Variants in AIRE observed in about 807,000 individuals in gnomAD.
AIRE encodes autoimmune regulator.
A neutral mutation model predicts 62.1 loss-of-function variants in AIRE; 52 were observed. The ratio of observed to expected loss-of-function variants is 0.84; its 90% CI spans 0.67 to 1.06. The LOEUF (loss-of-function observed/expected upper bound fraction) is 1.06. Ranked by LOEUF, AIRE falls within the 50% of genes least tolerant of loss-of-function variation. The pLI is 0.00. For synonymous variants in AIRE, 342 were observed against 321.6 expected (o/e 1.06, Z -0.68); for missense variants, 774 against 755.8 (o/e 1.02, Z -0.28).
chr21:44,286,021 G>A lies in AIRE; in HGVS notation c.15G>A (p.Ala5=). The A allele has an allele frequency of 1.3e-6, 2 of 1,532,804 alleles. No individual in the cohort carries two copies. Among genetic ancestry groups the A allele is most frequent in the Non-Finnish European group, 1.7e-6 (2 of 1,144,398 alleles). 95.0% of individuals were successfully genotyped at this position (1,532,804 alleles called of 1,614,324 possible). Residue 5 remains alanine (A), a synonymous_variant, in exon 1 of 14, where the codon GCG becomes GCA. Coordinates refer to ENST00000291582, the MANE Select transcript of AIRE (RefSeq NM_000383.4). This position sits in a 1 kb window ranked among gnomAD's most constrained non-coding sequence, Gnocchi z 6.0. ...GCGCCCACCCCATGGCGACGGACGC[G>A]GCGCTACGCCGGCTTCTGAGGCTGC... MATD[A]ALRRLLRLHR...
At chr21:44,295,992 G>A (rs975396147) in intron 12 of AIRE, among the ~76,000 whole-genome samples, 6 of 152,304 alleles carry the variant, frequency 3.9e-5, no homozygotes, top group East Asian at 3.9e-4. Flanking sequence ...CACTCTGGTC[G>A]CTCACCTATA....
At chr21:44,295,629 G>A (rs926719356) in intron 12 of AIRE, among the ~76,000 whole-genome samples, 1 of 152,160 alleles carries the variant, frequency 6.6e-6, no homozygotes, top group African/African-American at 2.4e-5. Context: ...TCTTGTCATC[G>A]TGATGTGAAA....
At chr21:44,292,045 G>A (rs2040546514) in intron 8 of AIRE, among the ~76,000 whole-genome samples, 1 of 152,216 alleles carries the variant, frequency 6.6e-6, no homozygotes. Context: ...AGGGCTCGCA[G>A]GTGTTGGGGA....
At position 44,297,246 on chromosome 21, in the gene AIRE, G is replaced by A. The variant is rs1161956417; in HGVS notation, c.1567-410G>A. 6.6e-6 allele frequency among the ~76,000 whole-genome samples: 1 copy of A among 152,228 alleles called. No homozygotes were observed. The highest frequency in any genetic ancestry group is 1.5e-5 in the Non-Finnish European group (1 of 68,030). ...GCGGTCTTATTCTGCTGGCATCGTG[G>A]GGCCCGTGGCCCCATCCTGTGGGAG... On this transcript the variant is annotated intron_variant, in intron 13 of 13. Transcript: ENST00000291582. This position sits in a 1 kb window ranked among gnomAD's most constrained non-coding sequence, Gnocchi z 4.8.
At position 44,287,076 on chromosome 21, in the gene AIRE, G is replaced by C; in HGVS notation, c.406G>C (p.Glu136Gln). 6.2e-7 allele frequency: 1 copy of C among 1,612,452 alleles called. No individual in the cohort carries two copies. The highest frequency in any genetic ancestry group is 8.5e-7 in the Non-Finnish European group (1 of 1,179,856). ...ACTCCCCACCAAGAGGAAGGCCTCA[G>C]AAGAGGCTCGAGCTGCCGCGCCAGC... ...PRLPTKRKAS[E>Q]EARAAAPAAL... Residue 136 changes from glutamate (E) to glutamine (Q), a missense_variant, in exon 3 of 14, where the codon GAA (glutamate) becomes CAA (glutamine). Glu to Gln is a conservative substitution (Grantham distance 29). Around this residue, in one of 3 missense-constraint regions of AIRE, gnomAD observed 385 missense variants for 396.0 expected, o/e 0.97. Transcript: ENST00000291582. The surrounding 1 kb of genome is among the most constrained non-coding windows in gnomAD (Gnocchi z 4.3).
chr21:44,290,494 G>T (rs549719238), intron 7 of AIRE: 1 of 957,046 alleles, frequency 1.0e-6, no homozygotes, highest in Admixed American at 6.2e-5. Flanking sequence ...TGACCACTTG[G>T]CACCAGGGGC....
Position 44,291,177 on chromosome 21 carries a change from C to A in AIRE, c.962C>A (p.Ala321Asp). 6.2e-7 allele frequency: 1 copy of A among 1,606,754 alleles called. No homozygotes were observed. Among genetic ancestry groups the A allele is most frequent in the East Asian group, 2.2e-5 (1 of 44,886 alleles). Residue 321 changes from alanine (A) to aspartate (D), a missense_variant, in exon 8 of 14, where the codon GCC (alanine) becomes GAC (aspartate). This residue lies in a region of AIRE where 35 missense variants were observed against 63.7 expected (regional missense o/e 0.55). Coordinates refer to ENST00000291582, the MANE Select transcript of AIRE (RefSeq NM_000383.4). Reference sequence around the variant, plus strand: ...GGCTGCCCTCGGGCCTTCCACCTGGCCTGCCTGTCCCCTCCGCTCCGGGAG... The same window carrying A: ...GGCTGCCCTCGGGCCTTCCACCTGGACTGCCTGTCCCCTCCGCTCCGGGAG... ...CDGCPRAFHL[A>D]CLSPPLREIP... is the part of the protein sequence containing the mutation.
chr21:44,292,041 C>T (rs1309195660), intron 8 of AIRE, among the ~76,000 whole-genome samples: 3 of 152,192 alleles, frequency 2.0e-5, no homozygotes, highest in African/African-American at 4.8e-5. Context: ...CACCAGGGCT[C>T]GCAGGTGTTG....
intron 7 of AIRE, chr21:44,290,339 GC>G (rs1555872664): frequency 1.0e-6 from 1 of 985,360 alleles, no homozygotes; most frequent in Non-Finnish European, 1.2e-6. Context: ...TCTCAGCTGG[GC>G]CCGTGGGTGG....
At chr21:44,288,243 G>A (rs776704671) in intron 4 of AIRE, 102 bp from the exon 5 acceptor site, 182 of 1,005,190 alleles carry the variant, frequency 1.8e-4, no homozygotes, top group Non-Finnish European at 2.8e-4. Context: ...CTGGCTGGAA[G>A]GAAAGGGCTC....
In AIRE at chr21:44,293,158, G is replaced by C. The variant is rs781218872; in HGVS notation, c.1261G>C (p.Gly421Arg). The C allele has an allele frequency of 6.4e-7, 1 of 1,568,352 alleles. No homozygotes were observed. Among genetic ancestry groups the C allele is most frequent in the Non-Finnish European group, 8.6e-7 (1 of 1,156,174 alleles). ...GGCCCTGCACCCCCTACTGTGTGTGGGTCCTGAGGGTCAGCAGGTGAGCGG... is the reference window on the plus strand; with the variant it reads ...GGCCCTGCACCCCCTACTGTGTGTGCGTCCTGAGGGTCAGCAGGTGAGCGG... ...SSALHPLLCV[G>R]PEGQQNLAPG... The change falls in exon 10 of 14, where the codon GGT becomes CGT. Residue 421 changes from glycine to arginine, a missense_variant. Gly to Arg is a moderately radical substitution (Grantham distance 125). Transcript: ENST00000291582.
intron 4 of AIRE, 87 bp from the exon 5 acceptor site, chr21:44,288,258 G>A: frequency 8.9e-7 from 1 of 1,129,922 alleles, no homozygotes; most frequent in South Asian, 1.2e-5. Context: ...GGGCTCTGCA[G>A]CCCAGTGCTG....
chr21:44,288,628 C>G lies in AIRE; in HGVS notation c.652+170C>G, dbSNP rs1035087448. ...TGACTTTGGAGGAGGAGGGTGAGCA[C>G]TGAAGTCTCCCTGTCGGGGGACCTT... is the stretch of plus-strand genomic sequence containing the variant. On this transcript the variant is annotated intron_variant, in intron 5 of 13. Transcript: ENST00000291582. 125 of 603,862 alleles carry G rather than the reference C, an allele frequency of 2.1e-4. 1 individual carries two copies. Among genetic ancestry groups the G allele is most frequent in the Admixed American group, 3.5e-4 (12 of 34,304 alleles). The allele number at this position is 603,862 out of a possible 1,614,324, so 37.4% of individuals were successfully genotyped here. A position where few individuals can be genotyped will look rare whatever the true frequency, so the allele number is the denominator to read the frequency against.
rs567631944 is a variant in AIRE at position 44,297,198 on chromosome 21, G to A, written c.1567-458G>A. 2.0e-5 allele frequency among the ~76,000 whole-genome samples: 3 copies of A among 152,300 alleles called. No homozygotes were observed. Among genetic ancestry groups the A allele is most frequent in the African/African-American group, 4.8e-5 (2 of 41,568 alleles). On this transcript the variant is annotated intron_variant, in intron 13 of 13. Transcript: ENST00000291582. This position sits in a 1 kb window ranked among gnomAD's most constrained non-coding sequence, Gnocchi z 4.8. ...GGGTATAGCTGGAGAAATGAGCGAC[G>A]GGCTCACAGCCTCTCCCGGGTGGCG... is the stretch of plus-strand genomic sequence containing the variant.
Position 44,291,221 on chromosome 21 carries a change from A to AC in AIRE, c.995+13dup. On this transcript the variant is annotated intron_variant, in intron 8 of 13. Transcript: ENST00000291582. ...CCGGGAGATCCCCAGGTGAGCCTGCACCTCTGCCAGCGCAACCAGGCCACC... is the reference window on the plus strand; with the variant it reads ...CCGGGAGATCCCCAGGTGAGCCTGCACCCTCTGCCAGCGCAACCAGGCCACC... The AC allele has an allele frequency of 6.3e-7, 1 of 1,598,346 alleles. No homozygotes were observed. Among genetic ancestry groups the AC allele is most frequent in the Non-Finnish European group, 8.5e-7 (1 of 1,179,486 alleles).
At chr21:44,293,441 C>T (rs2040565904) in intron 10 of AIRE, among the ~76,000 whole-genome samples, 1 of 152,032 alleles carries the variant, frequency 6.6e-6, no homozygotes, top group Non-Finnish European at 1.5e-5. Context: ...CACGTGGGAG[C>T]CCTCCCCTCC....
In AIRE at chr21:44,290,011, C is replaced by T. The variant is rs2040519954; in HGVS notation, c.822C>T (p.Gly274=). ...AAPGGGEARL[G]QQGSVPAPLA... is the part of the protein sequence containing the mutation. ...AGGGTGGAGGTGAGGCTAGGCTGGG[C>T]CAGCAGGGCAGCGTTCCCGCCCCTC... Residue 274 remains glycine (G), a synonymous_variant, in exon 7 of 14, where the codon GGC becomes GGT. Coordinates refer to ENST00000291582, the MANE Select transcript of AIRE (RefSeq NM_000383.4). The T allele has an allele frequency of 5.0e-6, 8 of 1,610,384 alleles. No homozygotes were observed. The South Asian group carries it at 5.5e-5, about 11-fold the overall frequency.
At position 44,292,466 on chromosome 21, in the gene AIRE, G is replaced by A. The variant is rs938723627; in HGVS notation, c.1095+65G>A. The A allele has an allele frequency of 4.6e-5, 52 of 1,133,228 alleles. No homozygotes were observed. The African/African-American group carries it at 9.5e-4, about 21-fold the overall frequency. 70.2% of individuals were successfully genotyped at this position (1,133,228 alleles called of 1,614,324 possible). On this transcript the variant is annotated intron_variant, in intron 9 of 13. Coordinates refer to ENST00000291582, the MANE Select transcript of AIRE (RefSeq NM_000383.4). ...TCCACATGGCCACGCCCCCTCCTAGGCTGGGCCACCCCCTCCTGTCCGTCT... is the reference window on the plus strand; with the variant it reads ...TCCACATGGCCACGCCCCCTCCTAGACTGGGCCACCCCCTCCTGTCCGTCT...
At position 44,289,677 on chromosome 21, in the gene AIRE, C is replaced by A. The variant is rs765862563; in HGVS notation, c.673C>A (p.Gln225Lys). 76 of 1,612,522 alleles carry A rather than the reference C, an allele frequency of 4.7e-5. No individual in the cohort carries two copies. Among genetic ancestry groups the A allele is most frequent in the Non-Finnish European group, 5.9e-5 (70 of 1,179,936 alleles). Residue 225 changes from glutamine (Q) to lysine (K), a missense_variant, in exon 6 of 14, where the codon CAG (glutamine) becomes AAG (lysine). Physicochemically the swap from Gln to Lys is moderately conservative, Grantham distance 53 (BLOSUM62 1). Transcript: ENST00000291582. The stretch of plus-strand genomic sequence containing the variant: ...CCCAGGCGGCTCCAAGAAGTGCATC[C>A]AGGTTGGCGGGGAGTTCTACACTCC... ...FESGGSKKCI[Q>K]VGGEFYTPSK...
Sources: allele counts gnomAD v4.1 joint callset (sites outside exome capture counted in the v4.1 genomes callset), GRCh38; gene constraint gnomAD v4.1.1; regional missense constraint gnomAD v4.1.1; non-coding constraint Gnocchi (gnomAD v3.1); transcripts MANE v1.5; gene names NCBI Gene and HGNC (gene_info 2026-07-23, HGNC 2026-07-21).